Variants in CIDEA observed in about 807,000 individuals in gnomAD.
CIDEA encodes the protein cell death inducing DFFA like effector a.
A neutral mutation model predicts 18.2 loss-of-function variants in CIDEA; 10 were observed. The ratio of observed to expected loss-of-function variants is 0.55; its 90% CI spans 0.34 to 0.93. CIDEA has a LOEUF of 0.93. CIDEA is among the 40% of genes least tolerant of loss of function. The probability of loss-of-function intolerance (pLI) is 0.02; values close to 1 mark genes in which losing one functional copy is unlikely to be tolerated. For missense variants in CIDEA, 309 were observed against 293.1 expected (o/e 1.05, Z -0.40); for synonymous variants, 128 against 124.8 (o/e 1.03, Z -0.17).
rs747389390 is a variant in CIDEA at position 12,254,803 on chromosome 18, G to A, written c.38+382G>A. ...GAGGGTCCGGTCCCAGGAACCCCGAGCAAAGCTTCCGCGATGCGAGGGGAC... is the reference window on the plus strand; with the variant it reads ...GAGGGTCCGGTCCCAGGAACCCCGAACAAAGCTTCCGCGATGCGAGGGGAC... On this transcript the variant is annotated intron_variant, in intron 1 of 4. Coordinates refer to ENST00000320477, the MANE Select transcript of CIDEA (RefSeq NM_001279.4). 3.0e-6 allele frequency: 4 copies of A among 1,349,992 alleles called. No individual in the cohort carries two copies. In the South Asian group the frequency reaches 4.9e-5, roughly 16 times the overall value. 83.6% of individuals were successfully genotyped at this position (1,349,992 alleles called of 1,614,324 possible).
rs1158950235 is a variant in CIDEA at position 12,263,486 on chromosome 18, G to C, written c.183+517G>C. The C allele has an allele frequency of 2.0e-5, 3 of 152,752 alleles. 1 individual carries two copies. The highest frequency in any genetic ancestry group is 2.0e-4 in the Admixed American group (3 of 15,320). The allele number at this position is 152,752 out of a possible 1,614,324, so 9.5% of individuals were successfully genotyped here. On this transcript the variant is annotated intron_variant, in intron 2 of 4. Transcript: ENST00000320477. ...TCAGAGACTCTGAGAGTAAAGGTTAGGTATAAATGATCAAGGGGAACATTA... is the reference window on the plus strand; with the variant it reads ...TCAGAGACTCTGAGAGTAAAGGTTACGTATAAATGATCAAGGGGAACATTA...
intron 3 of CIDEA, among the ~76,000 whole-genome samples, chr18:12,269,740 C>T (rs752534916): frequency 8.5e-5 from 13 of 152,246 alleles, no homozygotes; most frequent in Middle Eastern, 6.8e-3. Flanking sequence ...CTCTGTCACC[C>T]GGGCTGGAGT....
chr18:12,267,831 G>C (rs1420639290), intron 3 of CIDEA, among the ~76,000 whole-genome samples: 1 of 151,976 alleles, frequency 6.6e-6, no homozygotes, highest in Non-Finnish European at 1.5e-5. Context: ...GCCAATCAGA[G>C]GTTCTGAGCT....
At position 12,262,863 on chromosome 18, in the gene CIDEA, T is replaced by C; in HGVS notation, c.77T>C (p.Leu26Pro). The change falls in exon 2 of 5, where the codon CTG becomes CCG. Residue 26 changes from leucine to proline, a missense_variant. Physicochemically the swap from Leu to Pro is moderately conservative, Grantham distance 98. Coordinates refer to ENST00000320477, the MANE Select transcript of CIDEA (RefSeq NM_001279.4). ...ATGGGATCACAGACTAAGCGAGTCC[T>C]GTTCACCCCGCTCATGCATCCAGCT... ...TFMGSQTKRV[L>P]FTPLMHPARP... 6.2e-7 allele frequency: 1 copy of C among 1,614,238 alleles called. No homozygotes were observed. Among genetic ancestry groups the C allele is most frequent in the Non-Finnish European group, 8.5e-7 (1 of 1,180,040 alleles).
chr18:12,275,621 G>A (rs1056944464), intron 4 of CIDEA, among the ~76,000 whole-genome samples: 16 of 152,138 alleles, frequency 1.1e-4, no homozygotes, highest in Admixed American at 2.0e-4. Flanking sequence ...TGTTGTTTCC[G>A]TCCCCCGTGG....
intron 1 of CIDEA, 97 bp downstream of exon 1, chr18:12,254,518 C>T (rs889503435): frequency 9.7e-6 from 15 of 1,539,846 alleles, no homozygotes; most frequent in Non-Finnish European, 1.2e-5. Context: ...CCGTACCCCG[C>T]TCCCTTCAGC....
Position 12,277,472 on chromosome 18 carries a change from A to G in CIDEA, c.*202A>G, listed in dbSNP as rs1050949017. On this transcript the variant is annotated 3_prime_UTR_variant, in exon 5 of 5. Transcript: ENST00000320477. ...GGGCAGGGTGCCCTGGGGGGGAGGC[A>G]TAGAGGGCCCTGGGGGTCATGGGAA... The G allele has an allele frequency of 2.0e-5, 12 of 600,134 alleles. No individual in the cohort carries two copies. The highest frequency in any genetic ancestry group is 2.0e-5 in the South Asian group (1 of 49,066). 37.2% of individuals were successfully genotyped at this position (600,134 alleles called of 1,614,324 possible).
chr18:12,263,105 A>C, intron 2 of CIDEA, 136 bp downstream of exon 2: 1 of 875,448 alleles, frequency 1.1e-6, no homozygotes, highest in Non-Finnish European at 1.7e-6. Context: ...GGAAACGGGG[A>C]GAGAAATTGG....
intron 1 of CIDEA, among the ~76,000 whole-genome samples, chr18:12,257,090 G>A (rs1912059234): frequency 6.6e-6 from 1 of 152,084 alleles, no homozygotes; most frequent in African/African-American, 2.4e-5. Context: ...TACAGCTCAG[G>A]GACTCTTCTC....
intron 1 of CIDEA, among the ~76,000 whole-genome samples, chr18:12,260,330 C>T (rs1419489550): frequency 6.6e-6 from 1 of 151,724 alleles, no homozygotes; most frequent in Non-Finnish European, 1.5e-5. Flanking sequence ...CATGCACCAC[C>T]ACGCCTGACT....
At chr18:12,276,293 C>T (rs1905331351) in intron 4 of CIDEA, among the ~76,000 whole-genome samples, 1 of 145,524 alleles carries the variant, frequency 6.9e-6, no homozygotes, top group African/African-American at 2.4e-5. Context: ...ATTCCAGGCC[C>T]TTTTTCTTTT....
chr18:12,260,175 TTTTGTTTG>T (rs144412869), intron 1 of CIDEA, among the ~76,000 whole-genome samples: 5,991 of 150,902 alleles, frequency 0.04, 349 homozygotes, highest in African/African-American at 0.13. Context: ...TTGGTCTGTT[TTTTGTTTG>T]TTTGTTTGTT....
intron 1 of CIDEA, 142 bp downstream of exon 1, chr18:12,254,563 C>CCGGCGCACACACCCAT: frequency 1.3e-6 from 2 of 1,509,726 alleles, no homozygotes; most frequent in Non-Finnish European, 8.8e-7. Context: ...GCTCCGCGAC[C>CCGGCGCACACACCCAT]CCGCGCACAC....
intron 1 of CIDEA, among the ~76,000 whole-genome samples, chr18:12,260,579 C>T (rs966220349): frequency 6.6e-6 from 1 of 152,182 alleles, no homozygotes; most frequent in Non-Finnish European, 1.5e-5. Context: ...AATATACTAT[C>T]TAAAATGTAT....
intron 3 of CIDEA, among the ~76,000 whole-genome samples, chr18:12,272,721 G>A (rs748571144): frequency 3.6e-4 from 55 of 151,908 alleles, no homozygotes; most frequent in Admixed American, 1.7e-3. Context: ...AACCTCACCC[G>A]AGATTCCACC....
chr18:12,262,699 G>A, intron 1 of CIDEA, 126 bp from the exon 2 acceptor site: 1 of 892,874 alleles, frequency 1.1e-6, no homozygotes, highest in Non-Finnish European at 1.7e-6. Context: ...ATAATTTTTA[G>A]TAATCCCAAC....
intron 3 of CIDEA, among the ~76,000 whole-genome samples, chr18:12,267,914 G>C (rs1010090916): frequency 1.3e-5 from 2 of 152,134 alleles, no homozygotes; most frequent in Non-Finnish European, 2.9e-5. Flanking sequence ...CTAGTGTGTA[G>C]AGACCAGAGA....
chr18:12,254,829 C>T lies in CIDEA; in HGVS notation c.38+408C>T, dbSNP rs45593632. 4.8e-3 allele frequency: 6,434 copies of T among 1,338,260 alleles called. 20 individuals are homozygous for T. The highest frequency in any genetic ancestry group is 5.7e-3 in the Non-Finnish European group (5,731 of 1,009,384). 82.9% of individuals were successfully genotyped at this position (1,338,260 alleles called of 1,614,324 possible). The stretch of plus-strand genomic sequence containing the variant: ...CAAAGCTTCCGCGATGCGAGGGGAC[C>T]GGGCTTCTGGGGGTCCTGGAAATCA... On this transcript the variant is annotated intron_variant, in intron 1 of 4. Transcript: ENST00000320477.
intron 2 of CIDEA, 28 bp downstream of exon 2, chr18:12,262,997 A>T: frequency 6.2e-7 from 1 of 1,611,324 alleles, no homozygotes; most frequent in East Asian, 2.2e-5. Context: ...CCTCTCCCCC[A>T]GTCCACAGGG....
Sources: allele counts gnomAD v4.1 joint callset (sites outside exome capture counted in the v4.1 genomes callset), GRCh38; gene constraint gnomAD v4.1.1; transcripts MANE v1.5; gene names NCBI Gene and HGNC (gene_info 2026-07-23, HGNC 2026-07-21).